C8orf34: variants seen among roughly 807,000 people sequenced by gnomAD.
The protein encoded by C8orf34 is uncharacterized protein C8orf34.
C8orf34 carries 65 observed loss-of-function variants against 68.3 expected under a neutral mutation model. The observed-to-expected ratio is 0.95, with a 90% CI of 0.78 to 1.17. C8orf34 has a LOEUF of 1.17. Among genes scored for constraint, C8orf34 ranks in the 50% most tolerant of loss-of-function variants. C8orf34 has a pLI of 0.00. For synonymous variants in C8orf34, 244 were observed against 241.2 expected, an observed-to-expected ratio of 1.01 and a Z score of -0.11; for missense variants, 664 against 655.4, an observed-to-expected ratio of 1.01 and a Z score of -0.14.
intron 3 of C8orf34, among the ~76,000 whole-genome samples, chr8:68,464,553 T>G (rs1269690608): frequency 1.3e-5 from 2 of 152,058 alleles, no homozygotes; most frequent in Non-Finnish European, 2.9e-5. Context: ...CAAACTATAC[T>G]ACAAGCCTAC....
intron 1 of C8orf34, among the ~76,000 whole-genome samples, chr8:68,336,130 CTT>C (rs1805838422): frequency 6.6e-6 from 1 of 151,686 alleles, no homozygotes; most frequent in Admixed American, 6.6e-5. Context: ...GTGGGTCTCT[CTT>C]AAGAGAATGT....
intron 10 of C8orf34, among the ~76,000 whole-genome samples, chr8:68,739,142 G>A (rs562732996): frequency 2.0e-5 from 3 of 152,054 alleles, no homozygotes; most frequent in Non-Finnish European, 4.4e-5. Flanking sequence ...TTCAACATAT[G>A]CAAATCAATA....
intron 7 of C8orf34, among the ~76,000 whole-genome samples, chr8:68,612,027 G>A (rs1818038487): frequency 6.6e-6 from 1 of 152,076 alleles, no homozygotes; most frequent in East Asian, 1.9e-4. Context: ...TCAAACTTGT[G>A]AAAGATCACT....
At chr8:68,601,037 G>A (rs1349228683) in intron 7 of C8orf34, among the ~76,000 whole-genome samples, 2 of 152,148 alleles carry the variant, frequency 1.3e-5, no homozygotes, top group Non-Finnish European at 2.9e-5. Context: ...ATGCCTGGCT[G>A]ATAGTTGGCA....
intron 3 of C8orf34, among the ~76,000 whole-genome samples, chr8:68,460,778 C>A (rs951287986): frequency 6.6e-6 from 1 of 152,096 alleles, no homozygotes; most frequent in Non-Finnish European, 1.5e-5. Flanking sequence ...ACATCCACAC[C>A]AAAAACCCAT....
intron 7 of C8orf34, among the ~76,000 whole-genome samples, chr8:68,546,137 A>G (rs2129994017): frequency 6.6e-6 from 1 of 152,234 alleles, no homozygotes; most frequent in African/African-American, 2.4e-5. Flanking sequence ...ATACTAAAAT[A>G]TATTTGACTA....
intron 11 of C8orf34, among the ~76,000 whole-genome samples, chr8:68,780,516 A>T (rs1199295716): frequency 6.6e-6 from 1 of 152,142 alleles, no homozygotes; most frequent in Non-Finnish European, 1.5e-5. Context: ...TGACTTTGTT[A>T]TTACTCTCTC....
chr8:68,695,325 T>C (rs991703884), intron 8 of C8orf34, among the ~76,000 whole-genome samples: 2 of 152,058 alleles, frequency 1.3e-5, no homozygotes, highest in Non-Finnish European at 2.9e-5. Flanking sequence ...ATTTTTGTAT[T>C]TTTAGTAGAG....
intron 12 of C8orf34, among the ~76,000 whole-genome samples, chr8:68,794,088 G>A (rs1824092393): frequency 6.6e-6 from 1 of 152,066 alleles, no homozygotes. Flanking sequence ...TGCAGGTTGA[G>A]TATCTCTTAT....
intron 1 of C8orf34, among the ~76,000 whole-genome samples, chr8:68,411,872 T>C (rs1809458876): frequency 6.6e-6 from 1 of 152,208 alleles, no homozygotes; most frequent in South Asian, 2.1e-4. Flanking sequence ...TTTGTATCCC[T>C]CCAAAATTCA....
At chr8:68,656,338 C>T (rs1326301503) in intron 8 of C8orf34, among the ~76,000 whole-genome samples, 1 of 152,174 alleles carries the variant, frequency 6.6e-6, no homozygotes, top group Admixed American at 6.5e-5. Flanking sequence ...AAAGTACTTT[C>T]ACAGACATTA....
chr8:68,742,125 A>G (rs1822312716), intron 10 of C8orf34, among the ~76,000 whole-genome samples: 1 of 152,012 alleles, frequency 6.6e-6, no homozygotes, highest in African/African-American at 2.4e-5. Flanking sequence ...TTCATTTTCT[A>G]ACTCCATCAG....
chr8:68,778,195 T>C (rs1823576233), intron 11 of C8orf34, among the ~76,000 whole-genome samples: 1 of 152,208 alleles, frequency 6.6e-6, no homozygotes, highest in South Asian at 2.1e-4. Flanking sequence ...TAGTCTTTTG[T>C]CTTTTCTCAC....
Position 68,589,642 on chromosome 8 carries a change from AAG to A in C8orf34, c.1106-50729_1106-50728del, listed in dbSNP as rs1817319113. Among the ~76,000 whole-genome samples the A allele has an allele frequency of 1.4e-5, 2 of 144,876 alleles. 1 individual carries two copies. Among genetic ancestry groups the A allele is most frequent in the African/African-American group, 5.3e-5 (2 of 37,568 alleles). On this transcript the variant is annotated intron_variant, in intron 7 of 13. Coordinates refer to ENST00000518698, the MANE Select transcript of C8orf34 (RefSeq NM_052958.4). ...GAAGAAGAAAGAAGGAGGAGAGAAG[AAG>A]AGAGGAGGAAGGAAAGGAGGAAAGG...
intron 9 of C8orf34, among the ~76,000 whole-genome samples, chr8:68,718,332 C>CTA (rs921400545): frequency 2.6e-5 from 4 of 152,146 alleles, no homozygotes; most frequent in African/African-American, 7.2e-5. Flanking sequence ...CAATCTTTAC[C>CTA]TATATATATC....
At chr8:68,392,322 A>T (rs1808511084) in intron 1 of C8orf34, among the ~76,000 whole-genome samples, 1 of 151,898 alleles carries the variant, frequency 6.6e-6, no homozygotes, top group African/African-American at 2.4e-5. Flanking sequence ...TTCTCCTTTG[A>T]TATATAAAGC....
Position 68,394,308 on chromosome 8 carries a change from A to G in C8orf34, c.328-45191A>G, listed in dbSNP as rs571722343. On this transcript the variant is annotated intron_variant, in intron 1 of 13. Coordinates refer to ENST00000518698, the MANE Select transcript of C8orf34 (RefSeq NM_052958.4). ...CTGTGTCCATATGTTCTCATTGTTCAATTCCCACCTGTGAGTGAGAATATG... is the reference window on the plus strand; with the variant it reads ...CTGTGTCCATATGTTCTCATTGTTCGATTCCCACCTGTGAGTGAGAATATG... Among the ~76,000 whole-genome samples, 30 of 137,118 alleles carry G rather than the reference A, an allele frequency of 2.2e-4. No homozygotes were observed. The East Asian group carries it at 6.4e-3, about 29-fold the overall frequency. 90.0% of individuals were successfully genotyped at this position (137,118 alleles called of 152,430 possible).
chr8:68,410,993 G>GT (rs1809420941), intron 1 of C8orf34, among the ~76,000 whole-genome samples: 1 of 152,158 alleles, frequency 6.6e-6, no homozygotes, highest in Non-Finnish European at 1.5e-5. Flanking sequence ...GTCTTAGGCT[G>GT]TATCAGCTCT....
chr8:68,786,449 G>A (rs531041067), intron 11 of C8orf34, among the ~76,000 whole-genome samples: 30 of 152,194 alleles, frequency 2.0e-4, no homozygotes, highest in Middle Eastern at 3.4e-3. Flanking sequence ...TTTTAAGGAC[G>A]GAAAAGATGA....
Sources: allele counts gnomAD v4.1 joint callset (sites outside exome capture counted in the v4.1 genomes callset), GRCh38; gene constraint gnomAD v4.1.1; transcripts MANE v1.5; gene names NCBI Gene and HGNC (gene_info 2026-07-23, HGNC 2026-07-21).